Variants in NELL2 observed in about 807,000 individuals in gnomAD.
NELL2 encodes the protein neural EGFL like 2, also known as protein kinase C-binding protein NELL2.
NELL2 carries 41 observed loss-of-function variants against 109.6 expected under a neutral mutation model. The observed-to-expected ratio is 0.37, with a 90% CI of 0.29 to 0.49. The LOEUF (loss-of-function observed/expected upper bound fraction) is 0.49. NELL2 is among the 20% of genes least tolerant of loss of function. The pLI, the probability that NELL2 is intolerant of heterozygous loss-of-function variation, is 0.98. For synonymous variants in NELL2, 355 were observed against 344.7 expected, an observed-to-expected ratio of 1.03 and a Z score of -0.33; for missense variants, 900 against 1,008.3, an observed-to-expected ratio of 0.89 and a Z score of 1.45.
intron 19 of NELL2, among the ~76,000 whole-genome samples, chr12:44,512,112 C>T (rs1941025239): frequency 6.6e-6 from 1 of 152,060 alleles, no homozygotes. Context: ...CCAGAATGTA[C>T]AGGGAACTCA....
chr12:44,801,293 A>G (rs1455387922), intron 3 of NELL2, among the ~76,000 whole-genome samples: 3 of 152,138 alleles, frequency 2.0e-5, no homozygotes, highest in African/African-American at 7.2e-5. Flanking sequence ...TGAAATAAAG[A>G]AGTAAATTGT....
intron 18 of NELL2, among the ~76,000 whole-genome samples, chr12:44,521,427 G>A (rs974901165): frequency 6.6e-6 from 1 of 151,120 alleles, no homozygotes; most frequent in East Asian, 1.9e-4. Flanking sequence ...CTACTTGGGA[G>A]GCTGAGGCAG....
chr12:44,615,146 G>T (rs1366261602), intron 13 of NELL2, among the ~76,000 whole-genome samples: 1 of 151,978 alleles, frequency 6.6e-6, no homozygotes, highest in Non-Finnish European at 1.5e-5. Context: ...GCTTACAGGG[G>T]GTTGCAAGAG....
chr12:44,882,082 C>T (rs1308967616), intron 1 of NELL2, among the ~76,000 whole-genome samples: 1 of 151,746 alleles, frequency 6.6e-6, no homozygotes, highest in Non-Finnish European at 1.5e-5. Context: ...TAAAGAAAAT[C>T]TTTAAAAACT....
chr12:44,596,795 T>C (rs1015389470), intron 15 of NELL2, among the ~76,000 whole-genome samples: 50 of 152,220 alleles, frequency 3.3e-4, no homozygotes, highest in African/African-American at 1.1e-3. Context: ...TATTAAGTAA[T>C]TTGCCCTATT....
At chr12:44,631,810 C>T (rs1946465930) in intron 13 of NELL2, among the ~76,000 whole-genome samples, 1 of 151,942 alleles carries the variant, frequency 6.6e-6, no homozygotes, top group Admixed American at 6.6e-5. Flanking sequence ...GATGAGAGAC[C>T]ATTTCTCAAC....
intron 3 of NELL2, among the ~76,000 whole-genome samples, chr12:44,782,484 T>C (rs1465545640): frequency 6.6e-6 from 1 of 151,950 alleles, no homozygotes; most frequent in Non-Finnish European, 1.5e-5. Context: ...ACCATGACCA[T>C]ATTCTGTTGG....
chr12:44,910,090 A>T (rs1396157909), intron 1 of NELL2, among the ~76,000 whole-genome samples: 2 of 152,104 alleles, frequency 1.3e-5, no homozygotes, highest in Non-Finnish European at 2.9e-5. Flanking sequence ...GTTATGACTA[A>T]GTCCTCAAAA....
intron 15 of NELL2, among the ~76,000 whole-genome samples, chr12:44,593,870 T>C (rs1473912696): frequency 6.6e-6 from 1 of 152,164 alleles, no homozygotes; most frequent in African/African-American, 2.4e-5. Flanking sequence ...TAGCAAAGTC[T>C]TGGAACCAAC....
intron 2 of NELL2, among the ~76,000 whole-genome samples, chr12:44,828,377 T>C (rs1943781790): frequency 6.6e-6 from 1 of 152,146 alleles, no homozygotes; most frequent in Admixed American, 6.5e-5. Context: ...AACTTGGAAA[T>C]TCCCCTTCTA....
intron 3 of NELL2, among the ~76,000 whole-genome samples, chr12:44,809,970 A>G (rs1287463265): frequency 6.6e-6 from 1 of 152,110 alleles, no homozygotes; most frequent in African/African-American, 2.4e-5. Flanking sequence ...AACTTGACTT[A>G]TAGCTGTTTC....
At chr12:44,813,265 G>A (rs1566452298) in intron 3 of NELL2, among the ~76,000 whole-genome samples, 1 of 152,104 alleles carries the variant, frequency 6.6e-6, no homozygotes, top group Non-Finnish European at 1.5e-5. Context: ...CCTGGCACAT[G>A]GTAAGCCTTT....
At chr12:44,875,651 GC>G in intron 1 of NELL2, 163 bp downstream of exon 1, 1 of 1,578,212 alleles carries the variant, frequency 6.3e-7, no homozygotes, top group East Asian at 2.3e-5. Context: ...TCCAAGGCAA[GC>G]ACAGAAAAAA....
intron 15 of NELL2, among the ~76,000 whole-genome samples, chr12:44,588,520 C>T (rs1592164956): frequency 6.6e-6 from 1 of 152,258 alleles, no homozygotes; most frequent in Middle Eastern, 3.4e-3. Context: ...CCTTGCATGC[C>T]ACAGTACGCT....
chr12:44,688,801 C>T (rs557166928), intron 12 of NELL2, among the ~76,000 whole-genome samples: 1 of 152,284 alleles, frequency 6.6e-6, no homozygotes, highest in African/African-American at 2.4e-5. Flanking sequence ...TATTCACATA[C>T]TAGAATGACT....
chr12:44,635,807 C>A (rs1566060442), intron 13 of NELL2, among the ~76,000 whole-genome samples: 2 of 152,116 alleles, frequency 1.3e-5, no homozygotes, highest in African/African-American at 2.4e-5. Flanking sequence ...CTAGTTTTTT[C>A]TAATTCTGTG....
rs546533705 is a variant in NELL2 at position 44,525,429 on chromosome 12, C to T, written c.1805-1945G>A. Among the ~76,000 whole-genome samples, 47 of 152,320 alleles carry T rather than the reference C, an allele frequency of 3.1e-4. 3 individuals carry two copies. In the South Asian group the frequency reaches 8.7e-3, roughly 28 times the overall value. On this transcript the variant is annotated intron_variant, in intron 16 of 19. Coordinates refer to ENST00000429094, the MANE Select transcript of NELL2 (RefSeq NM_001145108.2). The stretch of plus-strand genomic sequence containing the variant: ...GGGCAGATGCATCATAATGGACTAA[C>T]TACAACCTCTTGCTATCCAAGGAGT...
chr12:44,665,210 A>G (rs1287194675), intron 13 of NELL2, among the ~76,000 whole-genome samples: 1 of 152,132 alleles, frequency 6.6e-6, no homozygotes, highest in African/African-American at 2.4e-5. Context: ...TATTTCACAC[A>G]AATTTTGAGC....
At chr12:44,727,050 G>C (rs535690483) in intron 9 of NELL2, among the ~76,000 whole-genome samples, 66 of 152,200 alleles carry the variant, frequency 4.3e-4, no homozygotes, top group Middle Eastern at 3.4e-3. Flanking sequence ...TAGATCTAGA[G>C]TGAGACATGA....
Sources: allele counts gnomAD v4.1 joint callset (sites outside exome capture counted in the v4.1 genomes callset), GRCh38; gene constraint gnomAD v4.1.1; transcripts MANE v1.5; gene names NCBI Gene and HGNC (gene_info 2026-07-23, HGNC 2026-07-21).